The following EML6 variants were observed in gnomAD, a reference collection of about 807,000 sequenced individuals.
EML6 encodes echinoderm microtubule-associated protein-like 6.
Under a neutral mutation model 240.1 loss-of-function variants are expected in EML6, and 154 were observed. The observed-to-expected ratio is 0.64, with a 90% CI of 0.56 to 0.73. The LOEUF is 0.73. EML6 is among the 30% of genes least tolerant of loss of function. The pLI is 0.00. For missense variants in EML6, 2,964 were observed against 2,474.6 expected (o/e 1.20, Z -4.20); for synonymous variants, 1,148 against 899.0 (o/e 1.28, Z -4.95).
chr2:54,862,493 GAAACAA>G (rs1185470150), intron 12 of EML6, among the ~76,000 whole-genome samples: 1 of 151,812 alleles, frequency 6.6e-6, no homozygotes, highest in Admixed American at 6.6e-5. Context: ...TCCAATCTGA[GAAACAA>G]AAAGAAAAAG....
In EML6 at chr2:54,916,833, C is replaced by T. The variant is rs370718787; in HGVS notation, c.3573C>T (p.Ser1191=). 22 of 1,550,494 alleles carry T rather than the reference C, an allele frequency of 1.4e-5. No individual in the cohort carries two copies. Among genetic ancestry groups the T allele is most frequent in the South Asian group, 2.4e-5 (2 of 83,982 alleles). Residue 1191 remains serine (S), a synonymous_variant, in exon 26 of 42, where the codon AGC becomes AGT. Transcript: ENST00000356458. ...GTGAGGGAATCTGGCCAGCACATAG[C>T]GATATAACTGACGTAAATGCTGCCA... ...PTCEGIWPAH[S]DITDVNAASL...
chr2:54,869,682 A>G (rs1306146040), intron 15 of EML6, among the ~76,000 whole-genome samples: 2 of 151,886 alleles, frequency 1.3e-5, no homozygotes, highest in Non-Finnish European at 2.9e-5. Context: ...AGGATTTAGT[A>G]TATCCTAGGT....
At chr2:54,848,701 G>A (rs1166465636) in intron 9 of EML6, among the ~76,000 whole-genome samples, 2 of 152,168 alleles carry the variant, frequency 1.3e-5, no homozygotes, top group East Asian at 1.9e-4. Flanking sequence ...CATCTTTACT[G>A]GCTCAGGGGA....
chr2:54,814,169 C>A (rs530549502), intron 3 of EML6, among the ~76,000 whole-genome samples: 1 of 152,248 alleles, frequency 6.6e-6, no homozygotes, highest in Admixed American at 6.5e-5. Context: ...GACTTTTATC[C>A]GTTGTGCCCT....
At position 54,859,719 on chromosome 2, in the gene EML6, T is replaced by C; in HGVS notation, c.1825+18T>C. ...ACCCCAAGGTAAACCCAGCAATAAT[T>C]TCTTAACATCATTTTATTTTTCAAT... is the stretch of plus-strand genomic sequence containing the variant. On this transcript the variant is annotated intron_variant, in intron 12 of 41. Transcript: ENST00000356458. 1.3e-6 allele frequency: 2 copies of C among 1,517,190 alleles called. No individual in the cohort carries two copies. The highest frequency in any genetic ancestry group is 1.8e-6 in the Non-Finnish European group (2 of 1,133,114). 94.0% of individuals were successfully genotyped at this position (1,517,190 alleles called of 1,614,324 possible).
chr2:54,879,681 A>C, intron 17 of EML6, 41 bp downstream of exon 17: 1 of 1,152,954 alleles, frequency 8.7e-7, no homozygotes, highest in Non-Finnish European at 1.3e-6. Context: ...TGCTGATACC[A>C]CGGTTCAGTA....
Position 54,861,076 on chromosome 2 carries a change from C to T in EML6, c.1825+1375C>T, listed in dbSNP as rs780934471. Among the ~76,000 whole-genome samples the T allele has an allele frequency of 5.9e-5, 9 of 152,180 alleles. No individual in the cohort carries two copies. In the East Asian group the frequency reaches 1.2e-3, roughly 20 times the overall value. On this transcript the variant is annotated intron_variant, in intron 12 of 41. Coordinates refer to ENST00000356458, the MANE Select transcript of EML6 (RefSeq NM_001039753.4). The stretch of plus-strand genomic sequence containing the variant: ...TTCTCCAGAAGGGGCTTACAGCATA[C>T]ACTTCCAATGCTACTTGATGGCCTG...
intron 2 of EML6, among the ~76,000 whole-genome samples, chr2:54,802,192 T>G (rs1189397356): frequency 6.6e-6 from 1 of 152,192 alleles, no homozygotes; most frequent in Non-Finnish European, 1.5e-5. Context: ...TGGCAGAATT[T>G]TAAAACACTG....
At chr2:54,802,484 A>G (rs1165417597) in intron 2 of EML6, among the ~76,000 whole-genome samples, 2 of 151,982 alleles carry the variant, frequency 1.3e-5, no homozygotes, top group Non-Finnish European at 2.9e-5. Context: ...AAAATTAGCC[A>G]GACATAGTGG....
At chr2:54,827,788 C>T (rs753810346) in intron 6 of EML6, 37 bp downstream of exon 6, 12 of 1,463,902 alleles carry the variant, frequency 8.2e-6, no homozygotes, top group African/African-American at 1.4e-5. Context: ...GGGTGACCTA[C>T]CAAATAAGGT....
At chr2:54,943,993 C>G (rs935249327) in intron 28 of EML6, among the ~76,000 whole-genome samples, 1 of 152,056 alleles carries the variant, frequency 6.6e-6, no homozygotes, top group Non-Finnish European at 1.5e-5. Context: ...CTCTCTTGGC[C>G]CTTCTGGTGC....
chr2:54,846,721 C>G (rs1669778646), intron 8 of EML6, among the ~76,000 whole-genome samples: 2 of 151,202 alleles, frequency 1.3e-5, no homozygotes, highest in African/African-American at 4.9e-5. Context: ...TGGGCTCAAG[C>G]AATCTTCCTG....
chr2:54,887,426 GT>G, intron 17 of EML6, among the ~76,000 whole-genome samples: 1 of 152,114 alleles, frequency 6.6e-6, no homozygotes, highest in Non-Finnish European at 1.5e-5. Context: ...GGTTATTTGA[GT>G]TTTGTCTATA....
chr2:54,904,367 T>G (rs1045537792), intron 24 of EML6, among the ~76,000 whole-genome samples: 8 of 152,246 alleles, frequency 5.3e-5, no homozygotes, highest in Non-Finnish European at 1.0e-4. Flanking sequence ...TACTTGGGAA[T>G]GGACAGCATT....
At chr2:54,928,186 C>G (rs1269470879) in intron 26 of EML6, 127 bp from the exon 27 acceptor site, 2 of 762,956 alleles carry the variant, frequency 2.6e-6, no homozygotes, top group Non-Finnish European at 4.5e-6. Flanking sequence ...AGCTTACATT[C>G]TAGTTGAAAT....
intron 26 of EML6, among the ~76,000 whole-genome samples, chr2:54,927,618 C>T (rs1351061980): frequency 2.0e-5 from 3 of 152,174 alleles, no homozygotes; most frequent in Non-Finnish European, 2.9e-5. Flanking sequence ...GTCAGGACTG[C>T]CCTGGCATGA....
At chr2:54,876,782 C>G (rs1191498588) in intron 16 of EML6, among the ~76,000 whole-genome samples, 1 of 152,106 alleles carries the variant, frequency 6.6e-6, no homozygotes, top group Non-Finnish European at 1.5e-5. Flanking sequence ...GTGTAAGGAT[C>G]AAATCAGAGT....
chr2:54,967,528 T>A (rs1379889331), intron 39 of EML6, among the ~76,000 whole-genome samples: 1 of 152,136 alleles, frequency 6.6e-6, no homozygotes, highest in East Asian at 1.9e-4. Flanking sequence ...AAGGAACCCC[T>A]GCTGTTCTCC....
At chr2:54,787,758 G>A (rs987692458) in intron 2 of EML6, among the ~76,000 whole-genome samples, 3 of 152,132 alleles carry the variant, frequency 2.0e-5, no homozygotes, top group East Asian at 1.9e-4. Flanking sequence ...TTTATAGGAG[G>A]TTTGTTTCAC....
Sources: gnomAD v4.1 joint callset for allele counts (sites outside exome capture counted in the v4.1 genomes callset) on GRCh38, gnomAD v4.1.1 for gene constraint, MANE v1.5 for transcripts, NCBI Gene and HGNC (gene_info 2026-07-23, HGNC 2026-07-21) for gene names.